FCRL5: variants seen among roughly 807,000 people sequenced by gnomAD.
FCRL5 encodes the protein Fc receptor like 5, also known as Fc receptor-like protein 5.
A neutral mutation model predicts 92.1 loss-of-function variants in FCRL5; 79 were observed. The observed-to-expected ratio is 0.86, with a 90% confidence interval of 0.72 to 1.03. FCRL5 has a LOEUF of 1.03. FCRL5 is among the 50% of genes least tolerant of loss of function. FCRL5 has a pLI of 0.00. For missense variants in FCRL5, 1,160 were observed against 1,181.1 expected, an observed-to-expected ratio of 0.98 and a Z score of 0.26; for synonymous variants, 466 against 469.3, an observed-to-expected ratio of 0.99 and a Z score of 0.09.
At chr1:157,534,092 A>C in intron 8 of FCRL5, 1 of 265,778 alleles carries the variant, frequency 3.8e-6, no homozygotes, top group South Asian at 4.8e-5. Flanking sequence ...ATACAATAAA[A>C]TGATACTGAT....
chr1:157,521,568 A>C, intron 10 of FCRL5: 3 of 329,826 alleles, frequency 9.1e-6, no homozygotes, highest in Admixed American at 4.6e-5. Flanking sequence ...ACTAAACACA[A>C]AGACAACCAT....
At chr1:157,543,239 C>T in intron 5 of FCRL5, 102 bp from the exon 6 acceptor site, 1 of 1,182,242 alleles carries the variant, frequency 8.5e-7, no homozygotes, top group Non-Finnish European at 1.2e-6. Flanking sequence ...CCACCCTTAA[C>T]TTGCTGCCAT....
At chr1:157,526,676 T>C (rs1650442300) in intron 9 of FCRL5, among the ~76,000 whole-genome samples, 1 of 152,182 alleles carries the variant, frequency 6.6e-6, no homozygotes, top group Middle Eastern at 3.4e-3. Flanking sequence ...GATGAGTTAT[T>C]GGGTGGATAC....
At chr1:157,548,369 C>A (rs1651653272) in intron 2 of FCRL5, among the ~76,000 whole-genome samples, 1 of 152,196 alleles carries the variant, frequency 6.6e-6, no homozygotes, top group East Asian at 1.9e-4. Context: ...AGGACATAGG[C>A]ATGGGCAAGG....
chr1:157,523,029 A>G (rs895373050), intron 10 of FCRL5, among the ~76,000 whole-genome samples: 27 of 152,276 alleles, frequency 1.8e-4, no homozygotes, highest in African/African-American at 6.3e-4. Context: ...ACTGAATGGG[A>G]AAACCCAAAT....
Position 157,539,093 on chromosome 1 carries a change from G to A in FCRL5, c.1395C>T (p.Ser465=), listed in dbSNP as rs926826526. ...CAGGAACCCAGGGCTTACCAGTGAC[G>A]GAGAGGCTCACCGCCTTACTGCGCT... The part of the protein sequence containing the change: ...GPQRSKAVSL[S]VTVPVSHPVL... The change falls in exon 7 of 17, where the codon TCC becomes TCT. Residue 465 remains serine, a synonymous_variant. Coordinates refer to ENST00000361835, the MANE Select transcript of FCRL5 (RefSeq NM_031281.3). The A allele has an allele frequency of 6.2e-6, 10 of 1,613,014 alleles. No individual in the cohort carries two copies. Among genetic ancestry groups the A allele is most frequent in the African/African-American group, 5.3e-5 (4 of 74,938 alleles).
At chr1:157,541,793 C>T (rs1309196162) in intron 6 of FCRL5, 1 of 152,246 alleles carries the variant, frequency 6.6e-6, no homozygotes, top group East Asian at 1.9e-4. Flanking sequence ...GTAGATGCAT[C>T]TTTAGATGTC....
At chr1:157,535,685 T>G (rs1262995678) in intron 7 of FCRL5, among the ~76,000 whole-genome samples, 1 of 152,198 alleles carries the variant, frequency 6.6e-6, no homozygotes. Context: ...TGCCTTTAAG[T>G]TCTGGTGTGT....
intron 2 of FCRL5, among the ~76,000 whole-genome samples, chr1:157,549,199 A>G (rs1651695444): frequency 6.7e-6 from 1 of 148,378 alleles, no homozygotes; most frequent in South Asian, 2.2e-4. Context: ...AAAACCAAAC[A>G]CCGCATGTTC....
At chr1:157,542,718 G>A in intron 6 of FCRL5, 141 bp downstream of exon 6, 1 of 1,026,688 alleles carries the variant, frequency 9.7e-7, no homozygotes, top group Non-Finnish European at 1.4e-6. Flanking sequence ...CTGGTTCAGT[G>A]AGCCGGAGAG....
chr1:157,541,224 A>G (rs1272489397), intron 6 of FCRL5, among the ~76,000 whole-genome samples: 1 of 151,656 alleles, frequency 6.6e-6, no homozygotes, highest in East Asian at 1.9e-4. Flanking sequence ...TCAAGTCCCA[A>G]CTCCTCTACT....
intron 8 of FCRL5, chr1:157,532,911 G>T (rs1206971161): frequency 6.6e-6 from 1 of 152,054 alleles, no homozygotes; most frequent in Non-Finnish European, 1.5e-5. Context: ...GTTTTTTCCA[G>T]AAGGCTTAGT....
chr1:157,529,145 G>A (rs973782733), intron 8 of FCRL5, among the ~76,000 whole-genome samples: 4 of 152,110 alleles, frequency 2.6e-5, no homozygotes, highest in Admixed American at 2.6e-4. Context: ...AGTGGGCAAA[G>A]GACATGAATA....
At chr1:157,523,569 T>G (rs1650294724) in intron 10 of FCRL5, among the ~76,000 whole-genome samples, 1 of 152,226 alleles carries the variant, frequency 6.6e-6, no homozygotes, top group African/African-American at 2.4e-5. Context: ...AACAGAGGTT[T>G]CAAAGTTTGG....
intron 2 of FCRL5, chr1:157,547,501 G>T (rs748473749): frequency 3.9e-6 from 2 of 508,426 alleles, no homozygotes; most frequent in Admixed American, 5.5e-5. Context: ...TCAATGCTGC[G>T]CTGCCATTTC....
At position 157,527,704 on chromosome 1, in the gene FCRL5, T is replaced by A. The variant is rs971727418; in HGVS notation, c.1873A>T (p.Thr625Ser). 142 of 1,614,086 alleles carry A rather than the reference T, an allele frequency of 8.8e-5. No individual in the cohort carries two copies. The highest frequency in any genetic ancestry group is 1.2e-4 in the Non-Finnish European group (140 of 1,180,026). The change falls in exon 9 of 17, where the codon ACT becomes TCT. Residue 625 changes from threonine (T) to serine (S), a missense_variant. Thr to Ser is a moderately conservative substitution (Grantham distance 58, BLOSUM62 1). Transcript: ENST00000361835. ...GGEASFNLSL[T>S]AEHSGNYSCE... is the part of the protein sequence containing the mutation. ...GAGTAGTTTCCAGAATGTTCTGCAGTCAGAGAGAGGTTGAAAGAAGCTTCT... is the reference window on the plus strand; with the variant it reads ...GAGTAGTTTCCAGAATGTTCTGCAGACAGAGAGAGGTTGAAAGAAGCTTCT...
In FCRL5 at chr1:157,552,321, C is replaced by T; in HGVS notation, c.31+11G>A. ...TCCCACCCAGGGCCCATGGTGAGCC[C>T]TTTTACTCACCCAGGACCAGTAATA... is the stretch of plus-strand genomic sequence containing the variant. On this transcript the variant is annotated intron_variant, in intron 1 of 16. Coordinates refer to ENST00000361835, the MANE Select transcript of FCRL5 (RefSeq NM_031281.3). 1 of 1,613,852 alleles carries T rather than the reference C, an allele frequency of 6.2e-7. No homozygotes were observed. The highest frequency in any genetic ancestry group is 8.5e-7 in the Non-Finnish European group (1 of 1,179,828).
rs750458527 is a variant in FCRL5 at position 157,518,502 on chromosome 1, G to T, written c.2744-5C>A. ...CATTTTCTCCTCTAGGATTTGCTTA[G>T]AAAAAAGTTGAAGTTTCAGAGGATG... On this transcript the variant is annotated splice_region_variant and splice_polypyrimidine_tract_variant and intron_variant, in intron 14 of 16. Transcript: ENST00000361835. 1 of 1,613,116 alleles carries T rather than the reference G, an allele frequency of 6.2e-7. No individual in the cohort carries two copies. Among genetic ancestry groups the T allele is most frequent in the South Asian group, 1.1e-5 (1 of 91,002 alleles).
In FCRL5 at chr1:157,515,331, C is replaced by A; in HGVS notation, c.*344G>T. 1 of 346,010 alleles carries A rather than the reference C, an allele frequency of 2.9e-6. No homozygotes were observed. Among genetic ancestry groups the A allele is most frequent in the Non-Finnish European group, 5.5e-6 (1 of 182,636 alleles). The allele number at this position is 346,010 out of a possible 1,614,324, so 21.4% of individuals were successfully genotyped here. A position where few individuals can be genotyped will look rare whatever the true frequency, so the allele number is the denominator to read the frequency against. On this transcript the variant is annotated 3_prime_UTR_variant, in exon 17 of 17. Coordinates refer to ENST00000361835, the MANE Select transcript of FCRL5 (RefSeq NM_031281.3). Reference sequence around the variant, plus strand: ...GGCATCTCCTGAAGGCCCACTCTCCCTTTGTGTGGTAAGACCCCCTCTGTG... The same window carrying A: ...GGCATCTCCTGAAGGCCCACTCTCCATTTGTGTGGTAAGACCCCCTCTGTG...
Sources: allele counts gnomAD v4.1 joint callset (sites outside exome capture counted in the v4.1 genomes callset), GRCh38; gene constraint gnomAD v4.1.1; transcripts MANE v1.5; gene names NCBI Gene and HGNC (gene_info 2026-07-23, HGNC 2026-07-21).